Variants in SNX31 observed in about 807,000 individuals in gnomAD.
SNX31 encodes sorting nexin-31.
Under a neutral mutation model 65.4 loss-of-function variants are expected in SNX31, and 58 were observed. That is an observed-to-expected ratio of 0.89 (90% confidence interval 0.72 to 1.10). The LOEUF is 1.10. Among genes scored for constraint, SNX31 ranks in the 50% least tolerant of loss-of-function variants. The pLI is 0.00. For synonymous variants in SNX31, 181 were observed against 190.1 expected (o/e 0.95, Z 0.39); for missense variants, 523 against 529.7 (o/e 0.99, Z 0.12).
upstream of SNX31, among the ~76,000 whole-genome samples, chr8:100,653,182 T>C (rs2131311579): frequency 6.6e-6 from 1 of 152,288 alleles, no homozygotes; most frequent in African/African-American, 2.4e-5. Context: ...TGTCTTTACT[T>C]GTATTGGTCT....
chr8:100,626,851 A>G lies in SNX31; in HGVS notation c.321+3476T>C, dbSNP rs1818073872. ...AAAGCCTCAAGAAATAAGATAACAAAAGGATATAAAAGTGAGCTGGTAAAG... is the reference window on the plus strand; with the variant it reads ...AAAGCCTCAAGAAATAAGATAACAAGAGGATATAAAAGTGAGCTGGTAAAG... On this transcript the variant is annotated intron_variant, in intron 4 of 13. Transcript: ENST00000311812. This position sits in a 1 kb window ranked among gnomAD's most constrained non-coding sequence, Gnocchi z 4.4. 6.6e-6 allele frequency among the ~76,000 whole-genome samples: 1 copy of G among 152,196 alleles called. No homozygotes were observed. Among genetic ancestry groups the G allele is most frequent in the South Asian group, 2.1e-4 (1 of 4,826 alleles).
intron 1 of SNX31, among the ~76,000 whole-genome samples, chr8:100,661,258 G>A (rs1049938929): frequency 1.3e-5 from 2 of 152,046 alleles, no homozygotes; most frequent in Non-Finnish European, 2.9e-5. Context: ...TGCCCGCCTC[G>A]GCCTCCCAAA....
At chr8:100,620,800 G>A (rs898959953) in intron 4 of SNX31, among the ~76,000 whole-genome samples, 4 of 152,112 alleles carry the variant, frequency 2.6e-5, no homozygotes, top group African/African-American at 9.6e-5. Context: ...GGTTCACAAA[G>A]GTTAAATAAC....
Position 100,584,202 on chromosome 8 carries a change from G to A in SNX31, c.1093-14C>T, listed in dbSNP as rs760177946. On this transcript the variant is annotated splice_polypyrimidine_tract_variant and intron_variant, in intron 11 of 13. Transcript: ENST00000311812. The stretch of plus-strand genomic sequence containing the variant: ...CAGCAAAAAAGCCTAAGAAATGCAG[G>A]AATAAAGAACTCTTGTAACCGAAGA... 14 of 1,585,886 alleles carry A rather than the reference G, an allele frequency of 8.8e-6. No individual in the cohort carries two copies. Among genetic ancestry groups the A allele is most frequent in the Non-Finnish European group, 1.2e-5 (14 of 1,168,688 alleles).
In SNX31 at chr8:100,640,227, G is replaced by A. The variant is rs181256328; in HGVS notation, c.142-4216C>T. 4.4e-3 allele frequency among the ~76,000 whole-genome samples: 673 copies of A among 152,206 alleles called. 5 individuals are homozygous for A. Among genetic ancestry groups the A allele is most frequent in the Non-Finnish European group, 7.6e-3 (515 of 67,992 alleles). ...ACTGCAACCTCTGCCTCCTGGGTTC[G>A]AGTAATTCTCCTGCCTCGCCTCCCG... On this transcript the variant is annotated intron_variant, in intron 2 of 13. Transcript: ENST00000311812.
chr8:100,637,911 G>T (rs996189407), intron 2 of SNX31, among the ~76,000 whole-genome samples: 10 of 152,272 alleles, frequency 6.6e-5, no homozygotes, highest in African/African-American at 2.4e-4. Flanking sequence ...GGCCAGGCTG[G>T]TCTCAAACTC....
At chr8:100,654,503 T>C (rs1482672377), upstream of SNX31, among the ~76,000 whole-genome samples, 2 of 152,192 alleles carry the variant, frequency 1.3e-5, no homozygotes, top group African/African-American at 4.8e-5. Flanking sequence ...ACTTACTCAT[T>C]TGAGGAACTC....
At position 100,578,526 on chromosome 8, in the gene SNX31, A is replaced by G. The variant is rs1413601371; in HGVS notation, c.1171-1451T>C. 6.6e-6 allele frequency among the ~76,000 whole-genome samples: 1 copy of G among 152,114 alleles called. No individual in the cohort carries two copies. The highest frequency in any genetic ancestry group is 6.5e-5 in the Admixed American group (1 of 15,268). ...AATATAGACGGAGACATTTAAAAAT[A>G]AGTGGGCTAAATAACATGACACTGC... is the stretch of plus-strand genomic sequence containing the variant. On this transcript the variant is annotated intron_variant, in intron 12 of 13. Transcript: ENST00000311812. This position sits in a 1 kb window ranked among gnomAD's most constrained non-coding sequence, Gnocchi z 4.7.
chr8:100,619,657 C>T (rs1410394467), intron 4 of SNX31, among the ~76,000 whole-genome samples: 2 of 152,226 alleles, frequency 1.3e-5, no homozygotes, highest in Admixed American at 6.5e-5. Flanking sequence ...TGGATTGTTC[C>T]TTGGCATCTC....
rs1308937555 is a variant in SNX31 at position 100,604,028 on chromosome 8, G to A, written c.682-3587C>T. 1.3e-5 allele frequency among the ~76,000 whole-genome samples: 2 copies of A among 152,302 alleles called. No individual in the cohort carries two copies. Among genetic ancestry groups the A allele is most frequent in the African/African-American group, 4.8e-5 (2 of 41,564 alleles). On this transcript the variant is annotated intron_variant, in intron 8 of 13. Transcript: ENST00000311812. The surrounding 1 kb of genome is among the most constrained non-coding windows in gnomAD (Gnocchi z 4.3). ...GCTGGAATTACAGGCGTGAGCCACT[G>A]CGCCCAGCTTTATATCATTACCTTT...
At chr8:100,619,308 G>T (rs1253906809) in intron 4 of SNX31, 1 of 152,196 alleles carries the variant, frequency 6.6e-6, no homozygotes, top group Non-Finnish European at 1.5e-5. Context: ...GCAAAAATCT[G>T]AGCTGCACAA....
rs1285197422 is a variant in SNX31 at position 100,609,247 on chromosome 8, TCTC to T, written c.612-687_612-685del. On this transcript the variant is annotated intron_variant, in intron 7 of 13. Coordinates refer to ENST00000311812, the MANE Select transcript of SNX31 (RefSeq NM_152628.4). This position sits in a 1 kb window ranked among gnomAD's most constrained non-coding sequence, Gnocchi z 4.9. The stretch of plus-strand genomic sequence containing the variant: ...CCTGGAAGACCAAGGCCCTCACCAG[TCTC>T]CTCCCCTGACTGATTGGCCTTTCTT... 6.6e-6 allele frequency among the ~76,000 whole-genome samples: 1 copy of T among 152,080 alleles called. No individual in the cohort carries two copies. Among genetic ancestry groups the T allele is most frequent in the Non-Finnish European group, 1.5e-5 (1 of 68,018 alleles).
At chr8:100,589,645 C>T (rs1267698271) in intron 10 of SNX31, among the ~76,000 whole-genome samples, 1 of 152,100 alleles carries the variant, frequency 6.6e-6, no homozygotes, top group East Asian at 1.9e-4. Flanking sequence ...GTGCAAATGT[C>T]CTGAGGCATG....
chr8:100,618,326 C>G lies in SNX31; in HGVS notation c.322-596G>C, dbSNP rs80336151. The G allele has an allele frequency of 4.6e-5, 70 of 1,534,654 alleles. No homozygotes were observed. The East Asian group carries it at 1.6e-3, about 34-fold the overall frequency. On this transcript the variant is annotated intron_variant, in intron 4 of 13. Coordinates refer to ENST00000311812, the MANE Select transcript of SNX31 (RefSeq NM_152628.4). ...GCATCCTTAACAGTCTCATAATTAA[C>G]TTGCCCAGTTTTCAGTATTTCCAAG... is the stretch of plus-strand genomic sequence containing the variant.
At position 100,578,485 on chromosome 8, in the gene SNX31, G is replaced by C. The variant is rs1329477601; in HGVS notation, c.1171-1410C>G. Among the ~76,000 whole-genome samples the C allele has an allele frequency of 6.6e-6, 1 of 152,046 alleles. No individual in the cohort carries two copies. Among genetic ancestry groups the C allele is most frequent in the Non-Finnish European group, 1.5e-5 (1 of 68,006 alleles). On this transcript the variant is annotated intron_variant, in intron 12 of 13. Coordinates refer to ENST00000311812, the MANE Select transcript of SNX31 (RefSeq NM_152628.4). This position sits in a 1 kb window ranked among gnomAD's most constrained non-coding sequence, Gnocchi z 4.7. ...ACAAGTGACTTAATTGTTTATTATT[G>C]CTTACTTCTCATGAGAATATAGACG...
At chr8:100,631,437 C>CTTT (rs10652417) in intron 3 of SNX31, among the ~76,000 whole-genome samples, 1,724 of 129,598 alleles carry the variant, frequency 0.013, 63 homozygotes, top group African/African-American at 0.044. Flanking sequence ...TGCTGTTTTA[C>CTTT]TTTTTTTTTT....
chr8:100,642,037 C>T (rs28579534), intron 2 of SNX31, among the ~76,000 whole-genome samples: 3 of 151,724 alleles, frequency 2.0e-5, no homozygotes, highest in Admixed American at 2.0e-4. Flanking sequence ...CGAGATCGCG[C>T]CACTGCACTC....
At position 100,662,473 on chromosome 8, in the gene SNX31, G is replaced by A. The variant is rs559935199; in HGVS notation, c.-58+669C>T. 7.2e-5 allele frequency among the ~76,000 whole-genome samples: 11 copies of A among 152,310 alleles called. No individual in the cohort carries two copies. In the East Asian group the frequency reaches 1.5e-3, roughly 21 times the overall value. On this transcript the variant is annotated intron_variant, in intron 1 of 5. Coordinates refer to the SNX31 transcript ENST00000520352. ...AGCACTTTGGGAGGCCAAGGTGGGC[G>A]GTTCACCTGAGGTCAGGGGTTTGAG... is the stretch of plus-strand genomic sequence containing the variant.
At chr8:100,643,754 T>A (rs2131273253) in intron 2 of SNX31, among the ~76,000 whole-genome samples, 1 of 152,302 alleles carries the variant, frequency 6.6e-6, no homozygotes, top group Middle Eastern at 3.4e-3. Context: ...AAATCTCTGC[T>A]AAGCAACTAC....
Sources: gnomAD v4.1 joint callset for allele counts (sites outside exome capture counted in the v4.1 genomes callset) on GRCh38, gnomAD v4.1.1 for gene constraint, Gnocchi (gnomAD v3.1) non-coding constraint, MANE v1.5 for transcripts, NCBI Gene and HGNC (gene_info 2026-07-23, HGNC 2026-07-21) for gene names.